Variants in GPC5 observed in about 807,000 individuals in gnomAD.
GPC5 encodes glypican-5.
A neutral mutation model predicts 53.9 loss-of-function variants in GPC5; 47 were observed. The ratio of observed to expected loss-of-function variants is 0.87; its 90% CI spans 0.69 to 1.11. GPC5 has a LOEUF of 1.11. GPC5 is among the 50% of genes most tolerant of loss of function. GPC5 has a pLI of 0.00. For synonymous variants in GPC5, 286 were observed against 263.3 expected (o/e 1.09, Z -0.84); for missense variants, 748 against 713.1 (o/e 1.05, Z -0.56).
chr13:92,465,384 A>T (rs777054203), intron 7 of GPC5, among the ~76,000 whole-genome samples: 4 of 152,126 alleles, frequency 2.6e-5, no homozygotes. Context: ...ACAGATGAAG[A>T]TTATATTCTT....
intron 5 of GPC5, among the ~76,000 whole-genome samples, chr13:91,778,161 C>T (rs908016666): frequency 2.6e-5 from 4 of 152,048 alleles, no homozygotes; most frequent in Admixed American, 1.3e-4. Context: ...AAATGTGCCT[C>T]GGCTGTGAAA....
intron 7 of GPC5, chr13:92,241,022 A>C (rs745630111): frequency 6.6e-6 from 1 of 152,140 alleles, no homozygotes; most frequent in Non-Finnish European, 1.5e-5. Flanking sequence ...CAGTTACTAC[A>C]TTTTTGCCCA....
chr13:91,557,729 G>A (rs945059254), intron 2 of GPC5, among the ~76,000 whole-genome samples: 1 of 152,072 alleles, frequency 6.6e-6, no homozygotes, highest in African/African-American at 2.4e-5. Flanking sequence ...CAAGTACGTG[G>A]TTATTAGTCG....
chr13:91,737,975 G>C (rs984484808), intron 4 of GPC5, among the ~76,000 whole-genome samples: 1 of 151,314 alleles, frequency 6.6e-6, no homozygotes, highest in East Asian at 1.9e-4. Flanking sequence ...GAAAGGCCAG[G>C]TAATTGAAGC....
intron 5 of GPC5, among the ~76,000 whole-genome samples, chr13:91,861,546 G>A (rs1018395479): frequency 6.6e-6 from 1 of 151,786 alleles, no homozygotes; most frequent in Non-Finnish European, 1.5e-5. Context: ...CCTAATGCTT[G>A]TTGTGTATAT....
At position 91,741,541 on chromosome 13, in the gene GPC5, C is replaced by T. The variant is rs559611195; in HGVS notation, c.1154+12876C>T. On this transcript the variant is annotated intron_variant, in intron 4 of 7. Transcript: ENST00000377067. ...TTTTAAATGTTTATTCAGTGAAGAA[C>T]ACTTAATGTTATTTAAGATTATTGC... Among the ~76,000 whole-genome samples the T allele has an allele frequency of 7.1e-4, 108 of 152,156 alleles. 1 individual carries two copies. The highest frequency in any genetic ancestry group is 7.2e-4 in the Admixed American group (11 of 15,288).
chr13:92,742,329 T>C (rs1431551691), intron 7 of GPC5, among the ~76,000 whole-genome samples: 4 of 152,116 alleles, frequency 2.6e-5, no homozygotes, highest in African/African-American at 9.7e-5. Context: ...GTTTCTCTGA[T>C]GGCCAGTGAT....
intron 7 of GPC5, among the ~76,000 whole-genome samples, chr13:92,650,584 T>G (rs1427289680): frequency 1.2e-4 from 19 of 152,138 alleles, no homozygotes; most frequent in Non-Finnish European, 2.9e-5. Context: ...CAGATATTCT[T>G]GAAAAACCAC....
rs536509870 is a variant in GPC5 at position 92,475,545 on chromosome 13, T to C, written c.1561+330556T>C. ...TAAGAATGCTTGTGATTTTTGTACA[T>C]TGATTTTGTATCCTGAGACTTTGCT... On this transcript the variant is annotated intron_variant, in intron 7 of 7. Transcript: ENST00000377067. Among the ~76,000 whole-genome samples, 7 of 151,806 alleles carry C rather than the reference T, an allele frequency of 4.6e-5. No homozygotes were observed. The South Asian group carries it at 1.5e-3, about 32-fold the overall frequency.
chr13:92,790,871 A>C (rs1876435229), intron 7 of GPC5, among the ~76,000 whole-genome samples: 1 of 152,142 alleles, frequency 6.6e-6, no homozygotes, highest in South Asian at 2.1e-4. Flanking sequence ...AAACAACTCC[A>C]ATAAACATGG....
intron 7 of GPC5, among the ~76,000 whole-genome samples, chr13:92,812,765 G>A (rs1234720245): frequency 6.6e-6 from 1 of 151,732 alleles, no homozygotes; most frequent in Non-Finnish European, 1.5e-5. Flanking sequence ...GCAGTGTTAG[G>A]GTACAAGATC....
At chr13:91,978,581 G>A (rs934277167) in intron 6 of GPC5, among the ~76,000 whole-genome samples, 3 of 152,184 alleles carry the variant, frequency 2.0e-5, no homozygotes, top group Non-Finnish European at 4.4e-5. Flanking sequence ...GCTGACATTT[G>A]ATTTGTTACC....
At chr13:92,297,021 C>T (rs1356366956) in intron 7 of GPC5, among the ~76,000 whole-genome samples, 2 of 152,236 alleles carry the variant, frequency 1.3e-5, no homozygotes, top group African/African-American at 2.4e-5. Flanking sequence ...CACCCAGTCC[C>T]ATTGACCACC....
At chr13:91,408,223 C>T (rs1165479565) in intron 1 of GPC5, among the ~76,000 whole-genome samples, 1 of 152,150 alleles carries the variant, frequency 6.6e-6, no homozygotes, top group African/African-American at 2.4e-5. Context: ...TCCTCCCCAA[C>T]AGCCCCAGCT....
At chr13:91,978,490 A>G (rs6492565) in intron 6 of GPC5, among the ~76,000 whole-genome samples, 132,754 of 152,206 alleles carry the variant, frequency 0.87, 58,241 homozygotes, top group East Asian at 0.98. Context: ...CAATAACAAA[A>G]GCAAATGTTT....
At chr13:92,566,999 G>A (rs1474790922) in intron 7 of GPC5, among the ~76,000 whole-genome samples, 3 of 152,040 alleles carry the variant, frequency 2.0e-5, no homozygotes, top group Non-Finnish European at 2.9e-5. Flanking sequence ...TGGTATATTA[G>A]CAAAACTTTC....
intron 1 of GPC5, among the ~76,000 whole-genome samples, chr13:91,441,816 G>A (rs7318687): frequency 0.67 from 101,356 of 152,012 alleles, 34,429 homozygotes; most frequent in African/African-American, 0.78. Context: ...GAGCAAGTTT[G>A]CCAATTGTCA....
chr13:92,199,032 T>C (rs1281393590), intron 7 of GPC5, among the ~76,000 whole-genome samples: 2 of 152,204 alleles, frequency 1.3e-5, no homozygotes, highest in African/African-American at 4.8e-5. Context: ...TTTGATACTC[T>C]TCTATGGAAA....
At chr13:92,471,863 A>T (rs1261292303) in intron 7 of GPC5, among the ~76,000 whole-genome samples, 1 of 152,126 alleles carries the variant, frequency 6.6e-6, no homozygotes, top group African/African-American at 2.4e-5. Context: ...GTGGAGCTGG[A>T]GGGTGAAATA....
Sources: allele counts gnomAD v4.1 joint callset (sites outside exome capture counted in the v4.1 genomes callset), GRCh38; gene constraint gnomAD v4.1.1; transcripts MANE v1.5; gene names NCBI Gene and HGNC (gene_info 2026-07-23, HGNC 2026-07-21).